FANCC: variants seen among roughly 807,000 people sequenced by gnomAD.
The protein encoded by FANCC is Fanconi anemia group C protein.
Under a neutral mutation model 71.3 loss-of-function variants are expected in FANCC, and 55 were observed. That is an observed-to-expected ratio of 0.77 (90% CI 0.62 to 0.97). FANCC has a LOEUF of 0.97. Among genes scored for constraint, FANCC ranks in the 50% least tolerant of loss-of-function variants. The pLI, the probability that FANCC is intolerant of heterozygous loss-of-function variation, is 0.00. For missense variants in FANCC, 678 were observed against 670.9 expected (o/e 1.01, Z -0.12); for synonymous variants, 275 against 244.9 (o/e 1.12, Z -1.15).
intron 8 of FANCC, 98 bp from the exon 9 acceptor site, chr9:95,126,679 TC>T: frequency 8.1e-7 from 1 of 1,240,622 alleles, no homozygotes; most frequent in Non-Finnish European, 1.2e-6. Flanking sequence ...ACTGCTGATG[TC>T]CAGAAAACTG....
intron 1 of FANCC, among the ~76,000 whole-genome samples, chr9:95,308,030 C>T (rs1488208830): frequency 2.0e-5 from 3 of 152,172 alleles, no homozygotes; most frequent in African/African-American, 7.2e-5. Context: ...AATATCAATC[C>T]ATTCATGTAC....
chr9:95,188,125 G>A (rs560443423), intron 4 of FANCC, among the ~76,000 whole-genome samples: 1 of 152,344 alleles, frequency 6.6e-6, no homozygotes, highest in East Asian at 1.9e-4. Context: ...ATCCTAATTA[G>A]GGGGAGAAAG....
intron 12 of FANCC, chr9:95,113,718 G>C (rs916705945): frequency 2.6e-5 from 4 of 151,948 alleles, no homozygotes; most frequent in Non-Finnish European, 5.9e-5. Flanking sequence ...CACCTCCTGG[G>C]TTCATGCCAT....
intron 4 of FANCC, among the ~76,000 whole-genome samples, chr9:95,210,275 T>C (rs911998082): frequency 2.0e-5 from 3 of 152,158 alleles, no homozygotes; most frequent in Admixed American, 6.5e-5. Context: ...GTGGATGATA[T>C]TGAACATATC....
At chr9:95,266,172 ATTC>A (rs1358908841) in intron 1 of FANCC, among the ~76,000 whole-genome samples, 2 of 152,250 alleles carry the variant, frequency 1.3e-5, no homozygotes, top group African/African-American at 2.4e-5. Context: ...ATCTAAAGTC[ATTC>A]TTCTTATTAG....
chr9:95,230,943 T>A (rs1045991926), intron 4 of FANCC, among the ~76,000 whole-genome samples: 2 of 151,870 alleles, frequency 1.3e-5, no homozygotes, highest in Non-Finnish European at 3.0e-5. Context: ...AGAGTGCTGA[T>A]TGGTGTGTTT....
intron 6 of FANCC, among the ~76,000 whole-genome samples, chr9:95,157,608 G>T (rs1830520239): frequency 6.6e-6 from 1 of 152,196 alleles, no homozygotes; most frequent in Admixed American, 6.5e-5. Flanking sequence ...AAATTATTTG[G>T]AAGTGCTGCT....
At chr9:95,196,292 AT>A (rs749266359) in intron 4 of FANCC, among the ~76,000 whole-genome samples, 22 of 149,328 alleles carry the variant, frequency 1.5e-4, no homozygotes, top group East Asian at 7.8e-4. Flanking sequence ...TTATTGGGAG[AT>A]TTTTTTTTTA....
chr9:95,301,382 A>T (rs999276291), intron 1 of FANCC, among the ~76,000 whole-genome samples: 1 of 152,160 alleles, frequency 6.6e-6, no homozygotes, highest in Non-Finnish European at 1.5e-5. Flanking sequence ...GTCTTCAAAA[A>T]TAAGTGCTGG....
chr9:95,148,963 A>G (rs1239689933), intron 7 of FANCC, among the ~76,000 whole-genome samples: 1 of 152,150 alleles, frequency 6.6e-6, no homozygotes, highest in Non-Finnish European at 1.5e-5. Flanking sequence ...TTCTTCATAC[A>G]CTTCAACCAA....
At chr9:95,255,666 C>T (rs1454268107) in intron 1 of FANCC, among the ~76,000 whole-genome samples, 2 of 152,082 alleles carry the variant, frequency 1.3e-5, no homozygotes, top group African/African-American at 2.4e-5. Flanking sequence ...AACTCCTCTC[C>T]AGCAAGGGAA....
At chr9:95,290,349 A>G (rs1459972275) in intron 1 of FANCC, among the ~76,000 whole-genome samples, 1 of 152,222 alleles carries the variant, frequency 6.6e-6, no homozygotes, top group Non-Finnish European at 1.5e-5. Context: ...GGATCTTCCA[A>G]GTATAACCAA....
At chr9:95,175,640 C>T (rs1825968370) in intron 4 of FANCC, among the ~76,000 whole-genome samples, 1 of 152,208 alleles carries the variant, frequency 6.6e-6, no homozygotes, top group African/African-American at 2.4e-5. Context: ...AGGTACAAGC[C>T]AGCGTGCCAT....
At chr9:95,185,693 G>A (rs423312) in intron 4 of FANCC, among the ~76,000 whole-genome samples, 3 of 152,186 alleles carry the variant, frequency 2.0e-5, no homozygotes, top group African/African-American at 4.8e-5. Flanking sequence ...TATTTAAACT[G>A]TTCAATGATT....
intron 6 of FANCC, among the ~76,000 whole-genome samples, chr9:95,162,041 C>T (rs1043483286): frequency 2.6e-5 from 4 of 152,210 alleles, no homozygotes; most frequent in Admixed American, 1.3e-4. Flanking sequence ...GGAGTTTCGC[C>T]GTGTTGGCCA....
At chr9:95,293,536 T>C in intron 1 of FANCC, 2 of 1,608,698 alleles carry the variant, frequency 1.2e-6, no homozygotes, top group Admixed American at 3.4e-5. Context: ...TTACAAGAAC[T>C]AGGGAACACA....
chr9:95,155,876 A>T (rs961700870), intron 6 of FANCC, among the ~76,000 whole-genome samples: 4 of 130,880 alleles, frequency 3.1e-5, no homozygotes, highest in South Asian at 2.7e-4. Flanking sequence ...TTGCCACCAC[A>T]TCTGGCTTTT....
intron 4 of FANCC, among the ~76,000 whole-genome samples, chr9:95,232,080 C>T (rs1830042254): frequency 6.6e-6 from 1 of 152,172 alleles, no homozygotes; most frequent in Admixed American, 6.5e-5. Context: ...CCGGGGAGGC[C>T]TCAGGAAACT....
chr9:95,157,513 G>T (rs916984782), intron 6 of FANCC, among the ~76,000 whole-genome samples: 8 of 152,194 alleles, frequency 5.3e-5, no homozygotes, highest in African/African-American at 1.9e-4. Context: ...AGATGGTTTG[G>T]AAGCTACAAT....
Sources: gnomAD v4.1 joint callset for allele counts (sites outside exome capture counted in the v4.1 genomes callset) on GRCh38, gnomAD v4.1.1 for gene constraint, MANE v1.5 for transcripts, NCBI Gene and HGNC (gene_info 2026-07-23, HGNC 2026-07-21) for gene names.